IL1R1: variants seen among roughly 807,000 people sequenced by gnomAD.
IL1R1 encodes interleukin-1 receptor type 1.
In IL1R1, 22 loss-of-function variants were observed where a neutral mutation model predicts 50.2. The ratio of observed to expected loss-of-function variants is 0.44; its 90% CI spans 0.31 to 0.63. The LOEUF is 0.63. Among genes scored for constraint, IL1R1 ranks in the 20% least tolerant of loss-of-function variants. The pLI, the probability that IL1R1 is intolerant of heterozygous loss-of-function variation, is 0.07. For missense variants in IL1R1, 509 were observed against 676.2 expected (o/e 0.75, Z 2.74); for synonymous variants, 251 against 236.7 (o/e 1.06, Z -0.55).
At chr2:102,113,969 A>T (rs1680921923) in intron 1 of IL1R1, among the ~76,000 whole-genome samples, 1 of 152,222 alleles carries the variant, frequency 6.6e-6, no homozygotes, top group Admixed American at 6.5e-5. Context: ...CTCTGTACAC[A>T]TCATTATGCC....
At chr2:102,075,832 A>G (rs1258730556) in intron 1 of IL1R1, among the ~76,000 whole-genome samples, 2 of 152,238 alleles carry the variant, frequency 1.3e-5, no homozygotes, top group Non-Finnish European at 2.9e-5. Context: ...TCTAGCAGCA[A>G]ATGGGTGGCA....
At chr2:102,149,117 G>T (rs1028821747) in intron 1 of IL1R1, among the ~76,000 whole-genome samples, 2 of 152,130 alleles carry the variant, frequency 1.3e-5, no homozygotes, top group Non-Finnish European at 2.9e-5. Context: ...TTTAGCCCTT[G>T]TTTTTTCAGG....
At chr2:102,138,043 G>A (rs756249271), upstream of IL1R1, among the ~76,000 whole-genome samples, 4 of 152,176 alleles carry the variant, frequency 2.6e-5, no homozygotes, top group Non-Finnish European at 5.9e-5. Flanking sequence ...AAAAAGGGTT[G>A]TATTCTTCCT....
chr2:102,152,949 C>G (rs1483062756), intron 1 of IL1R1, among the ~76,000 whole-genome samples: 1 of 151,602 alleles, frequency 6.6e-6, no homozygotes, highest in African/African-American at 2.4e-5. Flanking sequence ...GTGCTTAGGT[C>G]TTACAAGCTT....
At chr2:102,150,010 G>T (rs894617852) in intron 1 of IL1R1, among the ~76,000 whole-genome samples, 1 of 152,180 alleles carries the variant, frequency 6.6e-6, no homozygotes. Flanking sequence ...ACTATCTGGG[G>T]TGCGCCTGCT....
upstream of IL1R1, among the ~76,000 whole-genome samples, chr2:102,099,759 G>A (rs1467151928): frequency 1.3e-5 from 2 of 152,204 alleles, no homozygotes; most frequent in Admixed American, 6.5e-5. Flanking sequence ...TCTGGCATTT[G>A]TTTGGTTTTG....
chr2:102,125,474 G>C (rs544320886), intron 1 of IL1R1, among the ~76,000 whole-genome samples: 1 of 152,264 alleles, frequency 6.6e-6, no homozygotes, highest in South Asian at 2.1e-4. Flanking sequence ...AGAGTTTCTG[G>C]CATGGGTTGA....
At chr2:102,082,329 T>C (rs1001168302) in intron 1 of IL1R1, among the ~76,000 whole-genome samples, 5 of 152,284 alleles carry the variant, frequency 3.3e-5, no homozygotes. Context: ...ATTTTGTTTG[T>C]TAGAAAAACA....
intron 8 of IL1R1, chr2:102,172,236 A>G (rs796755599): frequency 1.0e-6 from 1 of 982,646 alleles, no homozygotes. Context: ...GAAGAGACTC[A>G]TTAATGAGCT....
chr2:102,093,758 C>T (rs569466273), intron 1 of IL1R1, among the ~76,000 whole-genome samples: 47 of 152,262 alleles, frequency 3.1e-4, no homozygotes, highest in East Asian at 9.7e-4. Context: ...TGGTGTCAGC[C>T]GCCCCACTCC....
At chr2:102,084,042 A>AGCGACTCTGAATCTCTT (rs752517584) in intron 1 of IL1R1, among the ~76,000 whole-genome samples, 11 of 151,826 alleles carry the variant, frequency 7.2e-5, no homozygotes, top group African/African-American at 1.9e-4. Flanking sequence ...AAGGCCTCAT[A>AGCGACTCTGAATCTCTT]GCGACTCTGA....
chr2:102,087,237 G>A (rs1485444772), intron 1 of IL1R1, among the ~76,000 whole-genome samples: 2 of 152,208 alleles, frequency 1.3e-5, no homozygotes, highest in African/African-American at 4.8e-5. Context: ...TACCCTTGAT[G>A]TTGATGGCTG....
intron 1 of IL1R1, among the ~76,000 whole-genome samples, chr2:102,076,633 C>CTAGG (rs1678973793): frequency 6.6e-6 from 1 of 152,080 alleles, no homozygotes; most frequent in Admixed American, 6.5e-5. Flanking sequence ...AGATATTGAT[C>CTAGG]TAGGGTCTTT....
intron 11 of IL1R1, chr2:102,175,994 A>T (rs1686099378): frequency 2.2e-6 from 1 of 462,606 alleles, no homozygotes; most frequent in Non-Finnish European, 3.8e-6. Context: ...TAAATGAAAT[A>T]TTTGTCTTTT....
At position 102,174,659 on chromosome 2, in the gene IL1R1, T is replaced by C. The variant is rs1338431832; in HGVS notation, c.1064T>C (p.Ile355Thr). 1 of 1,612,370 alleles carries C rather than the reference T, an allele frequency of 6.2e-7. No individual in the cohort carries two copies. The highest frequency in any genetic ancestry group is 1.1e-5 in the South Asian group (1 of 90,922). Residue 355 changes from isoleucine to threonine, a missense_variant, in exon 10 of 12, where the codon ATC (isoleucine) becomes ACC (threonine). Coordinates refer to ENST00000410023, the MANE Select transcript of IL1R1 (RefSeq NM_000877.4). ...GTCATAATTGTGTGTTCTGTTTTCA[T>C]CTATAAAATCTTCAAGATTGACATT... is the stretch of plus-strand genomic sequence containing the variant. ...LTVIIVCSVF[I>T]YKIFKIDIVL...
chr2:102,138,997 G>A (rs1045135095), upstream of IL1R1, among the ~76,000 whole-genome samples: 1 of 152,140 alleles, frequency 6.6e-6, no homozygotes, highest in Non-Finnish European at 1.5e-5. Context: ...CAGTCTCTCT[G>A]GGGGTAGTAA....
At chr2:102,138,010 G>A (rs1682438424), upstream of IL1R1, among the ~76,000 whole-genome samples, 1 of 152,298 alleles carries the variant, frequency 6.6e-6, no homozygotes, top group Non-Finnish European at 1.5e-5. Flanking sequence ...AAGGGAAAGA[G>A]TATTACATTT....
intron 1 of IL1R1, among the ~76,000 whole-genome samples, chr2:102,110,736 A>G (rs1280092739): frequency 6.6e-6 from 1 of 151,792 alleles, no homozygotes; most frequent in Non-Finnish European, 1.5e-5. Flanking sequence ...AACGTTTTTC[A>G]TTTGGTGATT....
intron 1 of IL1R1, among the ~76,000 whole-genome samples, chr2:102,105,421 A>G (rs989935411): frequency 5.3e-5 from 8 of 152,138 alleles, no homozygotes; most frequent in African/African-American, 1.9e-4. Context: ...CTGGAGTACA[A>G]TGGCATGATC....
Sources: allele counts gnomAD v4.1 joint callset (sites outside exome capture counted in the v4.1 genomes callset), GRCh38; gene constraint gnomAD v4.1.1; transcripts MANE v1.5; gene names NCBI Gene and HGNC (gene_info 2026-07-23, HGNC 2026-07-21).